Variants in NRG1 observed in about 807,000 individuals in gnomAD.
NRG1 encodes the protein pro-neuregulin-1, membrane-bound isoform.
A neutral mutation model predicts 63.8 loss-of-function variants in NRG1; 18 were observed. That is an observed-to-expected ratio of 0.28 (90% CI 0.19 to 0.42). The LOEUF (loss-of-function observed/expected upper bound fraction) is 0.42. Ranked by LOEUF, NRG1 falls within the 10% of genes least tolerant of loss-of-function variation. NRG1 has a pLI of 1.00. For missense variants in NRG1, 762 were observed against 814.7 expected (o/e 0.94, Z 0.79); for synonymous variants, 302 against 301.3 (o/e 1.00, Z -0.02).
intron 5 of NRG1, among the ~76,000 whole-genome samples, chr8:32,635,704 G>T (rs907427200): frequency 6.6e-6 from 1 of 152,138 alleles, no homozygotes; most frequent in Non-Finnish European, 1.5e-5. Context: ...TAAAAATGTA[G>T]AGATCCCTCT....
chr8:31,763,912 C>A (rs1817799430), intron 1 of NRG1, among the ~76,000 whole-genome samples: 1 of 150,342 alleles, frequency 6.7e-6, no homozygotes, highest in South Asian at 2.1e-4. Context: ...ATCGCGCCAC[C>A]ACACTCCAGC....
intron 1 of NRG1, among the ~76,000 whole-genome samples, chr8:32,528,990 C>T (rs971945369): frequency 6.6e-6 from 1 of 152,218 alleles, no homozygotes; most frequent in Non-Finnish European, 1.5e-5. Flanking sequence ...AGTCGTACCT[C>T]ACTTAACAAT....
intron 11 of NRG1, chr8:32,760,806 G>A (rs1160678075): frequency 8.8e-6 from 9 of 1,019,180 alleles, no homozygotes; most frequent in South Asian, 4.0e-5. Flanking sequence ...ACTCTGATTC[G>A]GTGGTCGAGC....
In NRG1 at chr8:31,640,401, C is replaced by T. The variant is rs745448521; in HGVS notation, c.37+970C>T. The T allele has an allele frequency of 4.8e-6, 7 of 1,454,788 alleles. No individual in the cohort carries two copies. The South Asian group carries it at 6.8e-5, about 14-fold the overall frequency. The allele number at this position is 1,454,788 out of a possible 1,614,324, so 90.1% of individuals were successfully genotyped here. A position where few individuals can be genotyped will look rare whatever the true frequency, so the allele number is the denominator to read the frequency against. On this transcript the variant is annotated intron_variant, in intron 1 of 10. Transcript: ENST00000519301. The surrounding 1 kb of genome is among the most constrained non-coding windows in gnomAD (Gnocchi z 6.3). The stretch of plus-strand genomic sequence containing the variant: ...AGCCGCTGCTCGCCGCCAACGGGAC[C>T]GTGCCCTCTTGGCCCACCGCCCCGG...
At position 32,629,919 on chromosome 8, in the gene NRG1, A is replaced by G. The variant is rs1424164946; in HGVS notation, c.502+13034A>G. ...TCATTTATTATCTTTAATAATAATA[A>G]TAGATGACAATAATATATTTTAATA... On this transcript the variant is annotated intron_variant, in intron 5 of 11. Transcript: ENST00000356819. 6.6e-5 allele frequency among the ~76,000 whole-genome samples: 10 copies of G among 152,336 alleles called. No homozygotes were observed. The East Asian group carries it at 1.9e-3, about 29-fold the overall frequency.
intron 1 of NRG1, among the ~76,000 whole-genome samples, chr8:32,270,066 A>T (rs1472251822): frequency 6.6e-6 from 1 of 152,194 alleles, no homozygotes; most frequent in Non-Finnish European, 1.5e-5. Flanking sequence ...TACCCATAAT[A>T]AACACAGAAT....
chr8:31,996,664 G>A (rs915007208), intron 1 of NRG1, among the ~76,000 whole-genome samples: 5 of 151,938 alleles, frequency 3.3e-5, no homozygotes, highest in Admixed American at 6.6e-5. Context: ...AAAATTGCTT[G>A]AGCTGGAGAG....
chr8:32,174,561 T>G (rs1399283487), intron 1 of NRG1, among the ~76,000 whole-genome samples: 2 of 151,826 alleles, frequency 1.3e-5, no homozygotes, highest in Admixed American at 6.6e-5. Flanking sequence ...TTTCTGAAAA[T>G]ATCAACAAAA....
chr8:32,204,563 G>A (rs1586069363), intron 1 of NRG1, among the ~76,000 whole-genome samples: 1 of 152,286 alleles, frequency 6.6e-6, no homozygotes, highest in East Asian at 1.9e-4. Flanking sequence ...TTTGCAAAGT[G>A]GGGATAGTAG....
At chr8:31,734,095 T>C (rs1332588743) in intron 1 of NRG1, among the ~76,000 whole-genome samples, 9 of 152,004 alleles carry the variant, frequency 5.9e-5, no homozygotes, top group Admixed American at 3.9e-4. Context: ...AATCCCAGGC[T>C]TTGAGAGGAT....
chr8:31,826,401 A>G (rs1489127814), intron 1 of NRG1, among the ~76,000 whole-genome samples: 1 of 152,048 alleles, frequency 6.6e-6, no homozygotes, highest in African/African-American at 2.4e-5. Context: ...ACAAGATCTG[A>G]TGGTTTTGCA....
intron 1 of NRG1, among the ~76,000 whole-genome samples, chr8:31,674,300 C>T (rs1255546213): frequency 1.3e-5 from 2 of 152,160 alleles, no homozygotes; most frequent in East Asian, 3.8e-4. Context: ...ACTTCTGGGT[C>T]ATATGGTAAA....
intron 1 of NRG1, among the ~76,000 whole-genome samples, chr8:31,817,429 A>T (rs1823561582): frequency 6.6e-6 from 1 of 152,236 alleles, no homozygotes; most frequent in African/African-American, 2.4e-5. Context: ...ATCTGAAATT[A>T]TTGACTTGAA....
At chr8:32,518,196 C>A (rs1299655661) in intron 1 of NRG1, among the ~76,000 whole-genome samples, 1 of 152,112 alleles carries the variant, frequency 6.6e-6, no homozygotes, top group Non-Finnish European at 1.5e-5. Context: ...TCCTGAACAT[C>A]CTTGCAATTC....
At chr8:32,288,892 G>C (rs149797817) in intron 1 of NRG1, among the ~76,000 whole-genome samples, 3 of 152,204 alleles carry the variant, frequency 2.0e-5, no homozygotes, top group Non-Finnish European at 4.4e-5. Flanking sequence ...AGCTCAGAAA[G>C]AGGGAAAGAT....
intron 1 of NRG1, among the ~76,000 whole-genome samples, chr8:32,494,847 C>T (rs368337609): frequency 1.4e-5 from 2 of 138,170 alleles, no homozygotes; most frequent in South Asian, 4.9e-4. Flanking sequence ...TTATGTACAC[C>T]CCCTGTTTCC....
At chr8:32,367,537 C>T (rs911712553) in intron 1 of NRG1, among the ~76,000 whole-genome samples, 2 of 151,636 alleles carry the variant, frequency 1.3e-5, no homozygotes, top group Non-Finnish European at 2.9e-5. Context: ...TTTCATTTTG[C>T]TGTTATGTTG....
intron 1 of NRG1, among the ~76,000 whole-genome samples, chr8:32,289,491 C>T (rs1413544850): frequency 3.3e-5 from 5 of 151,328 alleles, no homozygotes; most frequent in African/African-American, 1.2e-4. Context: ...AGTATGCTTT[C>T]GAAGTTACAT....
chr8:32,654,287 A>G (rs1007155293), intron 5 of NRG1, among the ~76,000 whole-genome samples: 2 of 152,206 alleles, frequency 1.3e-5, no homozygotes, highest in African/African-American at 2.4e-5. Flanking sequence ...TTATTTAAAT[A>G]CTAATTAGTA....
Sources: allele counts gnomAD v4.1 joint callset (sites outside exome capture counted in the v4.1 genomes callset), GRCh38; gene constraint gnomAD v4.1.1; non-coding constraint Gnocchi (gnomAD v3.1); transcripts MANE v1.5; gene names NCBI Gene and HGNC (gene_info 2026-07-23, HGNC 2026-07-21).